UNC5D: variants seen among roughly 807,000 people sequenced by gnomAD.
UNC5D encodes the protein unc-5 netrin receptor D, also known as netrin receptor UNC5D.
UNC5D carries 39 observed loss-of-function variants against 105.4 expected under a neutral mutation model. The observed-to-expected ratio is 0.37, with a 90% CI of 0.29 to 0.48. UNC5D has a LOEUF of 0.48. Ranked by LOEUF, UNC5D falls within the 20% of genes least tolerant of loss-of-function variation. The pLI, the probability that UNC5D is intolerant of heterozygous loss-of-function variation, is 0.98. For missense variants in UNC5D, 991 were observed against 1,202.4 expected, an observed-to-expected ratio of 0.82 and a Z score of 2.60; for synonymous variants, 452 against 450.4, an observed-to-expected ratio of 1.00 and a Z score of -0.04.
chr8:35,422,234 A>T (rs1198649598), intron 1 of UNC5D, among the ~76,000 whole-genome samples: 1 of 152,162 alleles, frequency 6.6e-6, no homozygotes, highest in Non-Finnish European at 1.5e-5. Flanking sequence ...ACTGCTTATT[A>T]ATGGGACTCT....
intron 1 of UNC5D, among the ~76,000 whole-genome samples, chr8:35,310,182 T>C (rs2128877890): frequency 6.6e-6 from 1 of 152,336 alleles, no homozygotes; most frequent in East Asian, 1.9e-4. Context: ...GTTTATGTTT[T>C]AGTATATAAT....
chr8:35,760,332 C>T (rs1446477700), intron 14 of UNC5D, among the ~76,000 whole-genome samples: 5 of 151,870 alleles, frequency 3.3e-5, no homozygotes, highest in Admixed American at 1.3e-4. Flanking sequence ...TGTGAGCCAC[C>T]GTGCCTAGCC....
rs543734346 is a variant in UNC5D at position 35,596,800 on chromosome 8, G to C, written c.570+1143G>C. On this transcript the variant is annotated intron_variant, in intron 4 of 16. Transcript: ENST00000404895. ...TTAGCCTCTCCAAAGGATGCGATCA[G>C]ATATGCATTTATCTCAGTGAGCAGA... Among the ~76,000 whole-genome samples, 387 of 152,322 alleles carry C rather than the reference G, an allele frequency of 2.5e-3. 3 individuals carry two copies. Among genetic ancestry groups the C allele is most frequent in the Non-Finnish European group, 3.0e-3 (204 of 68,036 alleles).
chr8:35,365,611 A>C (rs1802072747), intron 1 of UNC5D, among the ~76,000 whole-genome samples: 1 of 150,428 alleles, frequency 6.6e-6, no homozygotes, highest in African/African-American at 2.4e-5. Context: ...AAAAAAAAAA[A>C]AAAAAAGCAG....
chr8:35,498,894 C>A (rs1445003543), intron 1 of UNC5D, among the ~76,000 whole-genome samples: 6 of 152,104 alleles, frequency 3.9e-5, no homozygotes, highest in Non-Finnish European at 2.9e-5. Flanking sequence ...CCTATTAGAT[C>A]CTGTTCCTCA....
intron 1 of UNC5D, among the ~76,000 whole-genome samples, chr8:35,405,088 A>G (rs1001747318): frequency 3.3e-5 from 5 of 152,226 alleles, no homozygotes; most frequent in African/African-American, 1.2e-4. Context: ...AGCTTTTTAG[A>G]AACAATATGT....
At chr8:35,359,569 A>G (rs992946497) in intron 1 of UNC5D, among the ~76,000 whole-genome samples, 9 of 152,160 alleles carry the variant, frequency 5.9e-5, no homozygotes, top group Admixed American at 5.9e-4. Flanking sequence ...TAAAGTTTCC[A>G]CTTATACCAT....
chr8:35,766,524 C>A (rs951200071), intron 14 of UNC5D, among the ~76,000 whole-genome samples: 1 of 152,094 alleles, frequency 6.6e-6, no homozygotes, highest in African/African-American at 2.4e-5. Flanking sequence ...TACCCCAGAC[C>A]GAAGTAGAAG....
intron 4 of UNC5D, among the ~76,000 whole-genome samples, chr8:35,643,747 T>C (rs1434764062): frequency 6.6e-6 from 1 of 152,102 alleles, no homozygotes; most frequent in Non-Finnish European, 1.5e-5. Flanking sequence ...CTTCTAAATG[T>C]CTAAAAAATG....
chr8:35,476,339 A>G (rs1469785839), intron 1 of UNC5D, among the ~76,000 whole-genome samples: 1 of 152,224 alleles, frequency 6.6e-6, no homozygotes, highest in Non-Finnish European at 1.5e-5. Flanking sequence ...TCAACTAGAC[A>G]CTTCCCCTCT....
intron 1 of UNC5D, among the ~76,000 whole-genome samples, chr8:35,300,126 C>A (rs1427992652): frequency 6.6e-6 from 1 of 151,918 alleles, no homozygotes; most frequent in African/African-American, 2.4e-5. Flanking sequence ...CAGCACTTCT[C>A]TTATGCCTTA....
chr8:35,388,273 A>T (rs1364968220), intron 1 of UNC5D, among the ~76,000 whole-genome samples: 2 of 152,100 alleles, frequency 1.3e-5, no homozygotes, highest in African/African-American at 4.8e-5. Context: ...CTGAGGCTGG[A>T]GAATCGCTTG....
At chr8:35,465,858 A>G (rs1015762729) in intron 1 of UNC5D, among the ~76,000 whole-genome samples, 1 of 152,180 alleles carries the variant, frequency 6.6e-6, no homozygotes, top group Non-Finnish European at 1.5e-5. Flanking sequence ...GGGGGATGTT[A>G]TCGTAGAAGA....
At chr8:35,271,263 A>G (rs991091632) in intron 1 of UNC5D, among the ~76,000 whole-genome samples, 1 of 145,120 alleles carries the variant, frequency 6.9e-6, no homozygotes, top group East Asian at 2.1e-4. Flanking sequence ...ATAGGTATAC[A>G]TATGTATACA....
intron 1 of UNC5D, among the ~76,000 whole-genome samples, chr8:35,434,488 C>T (rs751260303): frequency 6.6e-6 from 1 of 151,936 alleles, no homozygotes; most frequent in East Asian, 1.9e-4. Flanking sequence ...TGGAAATGTA[C>T]AATATTTGCT....
intron 8 of UNC5D, among the ~76,000 whole-genome samples, chr8:35,712,547 T>C (rs1414458387): frequency 1.3e-5 from 2 of 152,206 alleles, no homozygotes; most frequent in Non-Finnish European, 2.9e-5. Context: ...ATGGCCTGAA[T>C]GCATCCTTAA....
chr8:35,449,541 C>A (rs1029351120), intron 1 of UNC5D, among the ~76,000 whole-genome samples: 1 of 152,128 alleles, frequency 6.6e-6, no homozygotes, highest in Admixed American at 6.6e-5. Flanking sequence ...CTGTTCAATA[C>A]AATAAGCCAA....
chr8:35,574,150 A>G (rs1284556697), intron 3 of UNC5D, among the ~76,000 whole-genome samples: 1 of 151,978 alleles, frequency 6.6e-6, no homozygotes, highest in Non-Finnish European at 1.5e-5. Context: ...CTAGCCCTTT[A>G]TTTTCTTCCC....
chr8:35,426,382 T>A (rs1003332260), intron 1 of UNC5D, among the ~76,000 whole-genome samples: 4 of 152,166 alleles, frequency 2.6e-5, no homozygotes, highest in African/African-American at 9.6e-5. Flanking sequence ...AAAATAAAGA[T>A]GTAAAAAAAA....
Sources: allele counts gnomAD v4.1 joint callset (sites outside exome capture counted in the v4.1 genomes callset), GRCh38; gene constraint gnomAD v4.1.1; transcripts MANE v1.5; gene names NCBI Gene and HGNC (gene_info 2026-07-23, HGNC 2026-07-21).